The following NAALADL2 variants were observed in gnomAD, a reference collection of about 807,000 sequenced individuals.
The protein encoded by NAALADL2 is inactive N-acetylated-alpha-linked acidic dipeptidase-like protein 2.
A neutral mutation model predicts 87.2 loss-of-function variants in NAALADL2; 76 were observed. The observed-to-expected ratio is 0.87, with a 90% CI of 0.72 to 1.05. The LOEUF (loss-of-function observed/expected upper bound fraction) is 1.05, where lower values mean the gene tolerates loss of function less well. Among genes scored for constraint, NAALADL2 ranks in the 50% least tolerant of loss-of-function variants. NAALADL2 has a pLI of 0.00. For synonymous variants in NAALADL2, 354 were observed against 331.0 expected (o/e 1.07, Z -0.75); for missense variants, 1,089 against 945.8 (o/e 1.15, Z -1.99).
At chr3:175,535,661 G>A (rs1404348786) in intron 9 of NAALADL2, among the ~76,000 whole-genome samples, 2 of 152,078 alleles carry the variant, frequency 1.3e-5, no homozygotes, top group Admixed American at 6.6e-5. Flanking sequence ...TCCTCCTCAA[G>A]GGTGAGAAAG....
At chr3:175,248,143 A>G (rs1371239290) in intron 3 of NAALADL2, among the ~76,000 whole-genome samples, 6 of 152,098 alleles carry the variant, frequency 3.9e-5, no homozygotes, top group African/African-American at 1.4e-4. Context: ...TATGGGGAAA[A>G]ATCCGGATTA....
chr3:174,464,959 C>T (rs970060626), intron 1 of NAALADL2, among the ~76,000 whole-genome samples: 13 of 151,856 alleles, frequency 8.6e-5, no homozygotes, highest in Non-Finnish European at 1.3e-4. Flanking sequence ...AAACATTTTA[C>T]CATCTTTGTC....
In NAALADL2 at chr3:175,194,290, A is replaced by G. The variant is rs556811539; in HGVS notation, c.546-39641A>G. Among the ~76,000 whole-genome samples, 6 of 151,944 alleles carry G rather than the reference A, an allele frequency of 3.9e-5. No individual in the cohort carries two copies. In the East Asian group the frequency reaches 1.2e-3, roughly 29 times the overall value. Reference sequence around the variant, plus strand: ...TGCCATTTTTAGTAGGTGATTAGTCATTTTCTTTTTCCTGCAAGTATTTGA... The same window carrying G: ...TGCCATTTTTAGTAGGTGATTAGTCGTTTTCTTTTTCCTGCAAGTATTTGA... On this transcript the variant is annotated intron_variant, in intron 2 of 13. Transcript: ENST00000454872.
At position 175,056,926 on chromosome 3, in the gene NAALADL2, G is replaced by T. The variant is rs569824865; in HGVS notation, c.44-39864G>T. On this transcript the variant is annotated intron_variant, in intron 1 of 13. Coordinates refer to ENST00000454872, the MANE Select transcript of NAALADL2 (RefSeq NM_207015.3). ...ACAACCTTCCAATGTGGGCATCATGGCCATCATGTACATGTCACAGTGCTT... is the reference window on the plus strand; with the variant it reads ...ACAACCTTCCAATGTGGGCATCATGTCCATCATGTACATGTCACAGTGCTT... 3.3e-5 allele frequency among the ~76,000 whole-genome samples: 5 copies of T among 152,332 alleles called. No homozygotes were observed. In the South Asian group the frequency reaches 1.0e-3, roughly 32 times the overall value.
At chr3:174,771,804 T>C (rs76986899) in intron 3 of NAALADL2, among the ~76,000 whole-genome samples, 2,043 of 152,276 alleles carry the variant, frequency 0.013, 49 homozygotes, top group African/African-American at 0.048. Context: ...GATGGAATTT[T>C]GTGGGGAGAC....
intron 2 of NAALADL2, among the ~76,000 whole-genome samples, chr3:174,589,673 A>G (rs1435282138): frequency 6.6e-6 from 1 of 152,218 alleles, no homozygotes; most frequent in African/African-American, 2.4e-5. Context: ...ACCAAGCTGT[A>G]GTATTCATTA....
intron 4 of NAALADL2, among the ~76,000 whole-genome samples, chr3:175,289,596 TC>T (rs531660948): frequency 0.025 from 1,511 of 59,458 alleles, 28 homozygotes; most frequent in African/African-American, 0.11. Flanking sequence ...ATAGCCTCCC[TC>T]CCCCCAAAAA....
chr3:175,453,314 G>T (rs897578458), intron 6 of NAALADL2, among the ~76,000 whole-genome samples: 1 of 151,998 alleles, frequency 6.6e-6, no homozygotes, highest in Non-Finnish European at 1.5e-5. Context: ...AAACTTGCAC[G>T]GATTCCTCAC....
At chr3:175,620,793 G>T (rs533521338) in intron 10 of NAALADL2, among the ~76,000 whole-genome samples, 1 of 152,288 alleles carries the variant, frequency 6.6e-6, no homozygotes, top group South Asian at 2.1e-4. Context: ...GCAGGTTACA[G>T]GTTCTTGTCC....
intron 1 of NAALADL2, chr3:175,059,972 C>A (rs1275053591): frequency 6.9e-6 from 3 of 435,348 alleles, no homozygotes; most frequent in Non-Finnish European, 1.4e-5. Context: ...CTCTTGTCTG[C>A]CAGGTAATCA....
Position 175,133,025 on chromosome 3 carries a change from G to A in NAALADL2, c.545+35734G>A, listed in dbSNP as rs138011904. Among the ~76,000 whole-genome samples the A allele has an allele frequency of 5.8e-3, 870 of 151,286 alleles. 15 individuals carry two copies. The highest frequency in any genetic ancestry group is 0.02 in the African/African-American group (828 of 41,130). On this transcript the variant is annotated intron_variant, in intron 2 of 13. Coordinates refer to ENST00000454872, the MANE Select transcript of NAALADL2 (RefSeq NM_207015.3). The stretch of plus-strand genomic sequence containing the variant: ...CCAGACGGAGTCGCAGCCAGGTAGA[G>A]GCACTCCCCACATCCCAGACGGGGC...
chr3:175,445,601 C>T (rs535397566), intron 5 of NAALADL2, among the ~76,000 whole-genome samples: 3 of 152,084 alleles, frequency 2.0e-5, no homozygotes, highest in Non-Finnish European at 4.4e-5. Flanking sequence ...TACATCACTG[C>T]CTTTTTCCCT....
chr3:175,377,139 C>T (rs960793223), intron 5 of NAALADL2, among the ~76,000 whole-genome samples: 1 of 151,962 alleles, frequency 6.6e-6, no homozygotes. Flanking sequence ...ATGGTAAAAC[C>T]CCATCTCTAC....
intron 11 of NAALADL2, among the ~76,000 whole-genome samples, chr3:175,658,028 CAT>C (rs1486841198): frequency 3.3e-5 from 5 of 151,754 alleles, no homozygotes; most frequent in Non-Finnish European, 7.4e-5. Context: ...TATGCATACA[CAT>C]ATTTTTAAAC....
chr3:175,714,829 G>A (rs1282854597), intron 11 of NAALADL2, among the ~76,000 whole-genome samples: 1 of 152,000 alleles, frequency 6.6e-6, no homozygotes, highest in Non-Finnish European at 1.5e-5. Flanking sequence ...GGCTAGCCAT[G>A]TTCAAAAAAC....
At chr3:175,600,132 A>T (rs939039171) in intron 10 of NAALADL2, among the ~76,000 whole-genome samples, 1 of 152,014 alleles carries the variant, frequency 6.6e-6, no homozygotes, top group Non-Finnish European at 1.5e-5. Context: ...TATTCAATAG[A>T]TATATTTGAA....
At chr3:174,930,591 G>A (rs1327958437) in intron 1 of NAALADL2, among the ~76,000 whole-genome samples, 1 of 135,922 alleles carries the variant, frequency 7.4e-6, no homozygotes, top group Non-Finnish European at 1.6e-5. Flanking sequence ...ACAATTATTT[G>A]CAAGTCCTTT....
intron 1 of NAALADL2, among the ~76,000 whole-genome samples, chr3:175,019,421 A>G (rs914813058): frequency 6.6e-6 from 1 of 152,074 alleles, no homozygotes; most frequent in Non-Finnish European, 1.5e-5. Flanking sequence ...TCATAGCGGA[A>G]CTATAACATA....
At chr3:175,489,678 C>A (rs1315568122) in intron 9 of NAALADL2, among the ~76,000 whole-genome samples, 1 of 152,124 alleles carries the variant, frequency 6.6e-6, no homozygotes, top group African/African-American at 2.4e-5. Flanking sequence ...AATGACCATG[C>A]ATGCTATTAA....
Sources: gnomAD v4.1 joint callset for allele counts (sites outside exome capture counted in the v4.1 genomes callset) on GRCh38, gnomAD v4.1.1 for gene constraint, MANE v1.5 for transcripts, NCBI Gene and HGNC (gene_info 2026-07-23, HGNC 2026-07-21) for gene names.